TIMM23B: variants seen among roughly 807,000 people sequenced by gnomAD.
The protein encoded by TIMM23B is translocase of inner mitochondrial membrane 23 homolog B.
TIMM23B carries 27 observed loss-of-function variants against 27.3 expected under a neutral mutation model. That is an observed-to-expected ratio of 0.99 (90% CI 0.73 to 1.36). TIMM23B has a LOEUF of 1.36. TIMM23B is among the 40% of genes most tolerant of loss of function. TIMM23B has a pLI of 0.00. For synonymous variants in TIMM23B, 73 were observed against 92.4 expected, an observed-to-expected ratio of 0.79 and a Z score of 1.21; for missense variants, 205 against 244.2, an observed-to-expected ratio of 0.84 and a Z score of 1.07.
intron 2 of TIMM23B, 58 bp downstream of exon 2, chr10:49,945,148 A>T: frequency 6.4e-7 from 1 of 1,574,494 alleles, no homozygotes; most frequent in Non-Finnish European, 8.7e-7. Flanking sequence ...AAAAAACGCC[A>T]AGTGCTATGC....
In TIMM23B at chr10:49,954,359, G is replaced by A. The variant is rs1452312144; in HGVS notation, c.345-643G>A. 6.7e-3 allele frequency: 2,980 copies of A among 444,812 alleles called. 16 individuals carry two copies. Among genetic ancestry groups the A allele is most frequent in the Non-Finnish European group, 9.5e-3 (2,118 of 222,606 alleles). The allele number at this position is 444,812 out of a possible 1,614,324, so 27.6% of individuals were successfully genotyped here. Reference sequence around the variant, plus strand: ...GTGCAAGGCAGAACTGTGCTTCCTTGAGAGTGTGCTGAGCATTCACCTTGG... The same window carrying A: ...GTGCAAGGCAGAACTGTGCTTCCTTAAGAGTGTGCTGAGCATTCACCTTGG... On this transcript the variant is annotated intron_variant, in intron 4 of 6. Transcript: ENST00000651259.
In TIMM23B at chr10:49,973,554, A is replaced by G. The variant is rs1373557447; in HGVS notation, c.*490A>G. Reference sequence around the variant, plus strand: ...TGGCTGGGCATGGTGGCTCATTCCTATAGTTCAGGCTACTGAGGAGCCTGA... The same window carrying G: ...TGGCTGGGCATGGTGGCTCATTCCTGTAGTTCAGGCTACTGAGGAGCCTGA... On this transcript the variant is annotated 3_prime_UTR_variant, in exon 7 of 7. Coordinates refer to ENST00000651259, the MANE Select transcript of TIMM23B (RefSeq NM_001290117.2). 71 of 156,370 alleles carry G rather than the reference A, an allele frequency of 4.5e-4. 1 individual carries two copies. The highest frequency in any genetic ancestry group is 7.6e-4 in the Non-Finnish European group (54 of 71,108). The allele number at this position is 156,370 out of a possible 1,614,324, so 9.7% of individuals were successfully genotyped here. A position where few individuals can be genotyped will look rare whatever the true frequency, so the allele number is the denominator to read the frequency against.
At chr10:49,964,019 C>T (rs149455167) in intron 6 of TIMM23B, among the ~76,000 whole-genome samples, 10,534 of 151,590 alleles carry the variant, frequency 0.069, 495 homozygotes, top group African/African-American at 0.12. Context: ...TAATGAAATG[C>T]GTGTGGTGCA....
chr10:49,951,764 T>C (rs1244161986), intron 2 of TIMM23B, among the ~76,000 whole-genome samples: 40 of 152,382 alleles, frequency 2.6e-4, no homozygotes, highest in Admixed American at 2.4e-3. Context: ...AAATAGCTGC[T>C]ACAGAATGAA....
At chr10:49,942,957 G>A (rs1839199584) in intron 1 of TIMM23B, among the ~76,000 whole-genome samples, 1 of 152,168 alleles carries the variant, frequency 6.6e-6, no homozygotes, top group African/African-American at 2.4e-5. Flanking sequence ...TTGGTACTTT[G>A]TAACTGTGGT....
chr10:49,962,305 C>T (rs879162477), intron 6 of TIMM23B, among the ~76,000 whole-genome samples: 28,726 of 151,386 alleles, frequency 0.19, 3,253 homozygotes, highest in Non-Finnish European at 0.27. Context: ...TGGGTTCAAG[C>T]GATTCTCCTG....
At chr10:49,955,728 G>A (rs1259173709) in intron 5 of TIMM23B, among the ~76,000 whole-genome samples, 2 of 152,310 alleles carry the variant, frequency 1.3e-5, no homozygotes, top group East Asian at 3.9e-4. Flanking sequence ...GGCAGATTAA[G>A]GAGGGGAAGA....
At chr10:49,964,263 TGTG>T (rs1361244866) in intron 6 of TIMM23B, among the ~76,000 whole-genome samples, 2 of 149,286 alleles carry the variant, frequency 1.3e-5, no homozygotes, top group Non-Finnish European at 3.0e-5. Context: ...AAATGCCAGG[TGTG>T]GTGGCACACT....
At position 49,947,454 on chromosome 10, in the gene TIMM23B, C is replaced by T. The variant is rs1170853878; in HGVS notation, c.165+2364C>T. Among the ~76,000 whole-genome samples, 4 of 151,290 alleles carry T rather than the reference C, an allele frequency of 2.6e-5. No individual in the cohort carries two copies. The South Asian group carries it at 8.4e-4, about 32-fold the overall frequency. On this transcript the variant is annotated intron_variant, in intron 2 of 6. Coordinates refer to ENST00000651259, the MANE Select transcript of TIMM23B (RefSeq NM_001290117.2). Reference sequence around the variant, plus strand: ...GAAACCCCATCTCTACTAAAAAATACAAAAATTAGCCAGGCGTGGTGCTGG... The same window carrying T: ...GAAACCCCATCTCTACTAAAAAATATAAAAATTAGCCAGGCGTGGTGCTGG...
At position 49,958,914 on chromosome 10, in the gene TIMM23B, A is replaced by G. The variant is rs1335309434; in HGVS notation, c.514+434A>G. ...AGCATAATATCCTCAAGGTTCATCC[A>G]TATTGTTGCGTGTGCCAGAATTCCC... On this transcript the variant is annotated intron_variant, in intron 6 of 6. Coordinates refer to ENST00000651259, the MANE Select transcript of TIMM23B (RefSeq NM_001290117.2). Among the ~76,000 whole-genome samples, 18 of 152,290 alleles carry G rather than the reference A, an allele frequency of 1.2e-4. No homozygotes were observed. In the South Asian group the frequency reaches 1.9e-3, roughly 16 times the overall value.
At chr10:49,951,817 T>C (rs1384301514) in intron 2 of TIMM23B, among the ~76,000 whole-genome samples, 4 of 152,256 alleles carry the variant, frequency 2.6e-5, no homozygotes, top group African/African-American at 4.8e-5. Context: ...TCTGTTCTTC[T>C]CATAGCTTTC....
chr10:49,952,018 T>C (rs1434621544), intron 2 of TIMM23B, 108 bp from the exon 3 acceptor site: 1 of 783,392 alleles, frequency 1.3e-6, no homozygotes, highest in Non-Finnish European at 2.1e-6. Context: ...TTTGAGTTAA[T>C]TTAAGGTTTA....
chr10:49,945,159 T>G, intron 2 of TIMM23B, 69 bp downstream of exon 2: 1 of 1,500,968 alleles, frequency 6.7e-7, no homozygotes, highest in East Asian at 2.3e-5. Context: ...AGTGCTATGC[T>G]GACTTGAACT....
rs1554855608 is a variant in TIMM23B at position 49,967,419 on chromosome 10, C to T, written c.515-5593C>T. On this transcript the variant is annotated intron_variant, in intron 6 of 6. Coordinates refer to ENST00000651259, the MANE Select transcript of TIMM23B (RefSeq NM_001290117.2). ...ACCACACAAAATTTATGTCTGTGCC[C>T]TGTCTTCTTGGGTCTATTTTTTAAC... Among the ~76,000 whole-genome samples, 7 of 152,030 alleles carry T rather than the reference C, an allele frequency of 4.6e-5. No individual in the cohort carries two copies. The South Asian group carries it at 1.5e-3, about 32-fold the overall frequency.
At chr10:49,960,124 T>TG (rs1218415053) in intron 6 of TIMM23B, among the ~76,000 whole-genome samples, 2 of 148,326 alleles carry the variant, frequency 1.3e-5, no homozygotes, top group East Asian at 4.0e-4. Context: ...CAAGGCTCAC[T>TG]GTAGCCTTGA....
intron 5 of TIMM23B, among the ~76,000 whole-genome samples, chr10:49,955,741 T>C (rs1206831676): frequency 3.3e-5 from 5 of 152,152 alleles, no homozygotes; most frequent in Admixed American, 2.6e-4. Flanking sequence ...GGGGAAGACA[T>C]AGAAAACTCA....
chr10:49,942,354 TA>T, intron 1 of TIMM23B, 54 bp downstream of exon 1: 11 of 1,568,626 alleles, frequency 7.0e-6, no homozygotes, highest in South Asian at 1.2e-5. Context: ...GCGTTTACAC[TA>T]AAGTTGCGCG....
chr10:49,959,752 T>G (rs1172568817), intron 6 of TIMM23B, among the ~76,000 whole-genome samples: 5 of 152,082 alleles, frequency 3.3e-5, no homozygotes, highest in East Asian at 1.9e-4. Flanking sequence ...TAATTTTTTT[T>G]TTTTTCTTTC....
At chr10:49,969,640 G>A (rs1840329878) in intron 6 of TIMM23B, among the ~76,000 whole-genome samples, 1 of 151,782 alleles carries the variant, frequency 6.6e-6, no homozygotes, top group Non-Finnish European at 1.5e-5. Flanking sequence ...GCTGCAGTGA[G>A]CCGTGATCAT....
Sources: allele counts gnomAD v4.1 joint callset (sites outside exome capture counted in the v4.1 genomes callset), GRCh38; gene constraint gnomAD v4.1.1; transcripts MANE v1.5; gene names NCBI Gene and HGNC (gene_info 2026-07-23, HGNC 2026-07-21).